The following AGAP1 variants were observed in gnomAD, a reference collection of about 807,000 sequenced individuals.
The protein encoded by AGAP1 is arf-GAP with GTPase, ANK repeat and PH domain-containing protein 1.
A neutral mutation model predicts 105.3 loss-of-function variants in AGAP1; 29 were observed. That is an observed-to-expected ratio of 0.28 (90% CI 0.21 to 0.38). The LOEUF is 0.38. Ranked by LOEUF, AGAP1 falls within the 10% of genes least tolerant of loss-of-function variation. The pLI, the probability that AGAP1 is intolerant of heterozygous loss-of-function variation, is 1.00. For missense variants in AGAP1, 998 were observed against 1,165.1 expected, an observed-to-expected ratio of 0.86 and a Z score of 2.09; for synonymous variants, 509 against 485.9, an observed-to-expected ratio of 1.05 and a Z score of -0.63.
chr2:235,628,145 TAGTTCA>T, intron 1 of AGAP1, among the ~76,000 whole-genome samples: 1 of 151,932 alleles, frequency 6.6e-6, no homozygotes, highest in East Asian at 2.0e-4. Flanking sequence ...TGCACTGGGG[TAGTTCA>T]GTGGTGAGCG....
chr2:235,591,878 C>T lies in AGAP1; in HGVS notation c.163+97029C>T, dbSNP rs1375824384. On this transcript the variant is annotated intron_variant, in intron 1 of 17. Coordinates refer to ENST00000304032, the MANE Select transcript of AGAP1 (RefSeq NM_001037131.3). ...CCCACCCCCCACCACTTCTCTCTTG[C>T]TCCTCTCTTGCCATGTGACATGCCT... is the stretch of plus-strand genomic sequence containing the variant. Among the ~76,000 whole-genome samples the T allele has an allele frequency of 3.5e-5, 5 of 143,374 alleles. No homozygotes were observed. The East Asian group carries it at 8.7e-4, about 25-fold the overall frequency. The allele number at this position is 143,374 out of a possible 152,430, so 94.1% of individuals were successfully genotyped here.
At chr2:235,764,332 A>G (rs1481754246) in intron 6 of AGAP1, among the ~76,000 whole-genome samples, 1 of 152,110 alleles carries the variant, frequency 6.6e-6, no homozygotes, top group Non-Finnish European at 1.5e-5. Flanking sequence ...TTCAGGGAAG[A>G]GCTGTGGCCC....
chr2:235,516,946 A>G (rs556136819), intron 1 of AGAP1, among the ~76,000 whole-genome samples: 7 of 152,322 alleles, frequency 4.6e-5, no homozygotes, highest in African/African-American at 1.4e-4. Context: ...TTGGCCCTAC[A>G]GGGTAGATCT....
At position 235,971,618 on chromosome 2, in the gene AGAP1, A is replaced by G. The variant is rs1484607760; in HGVS notation, c.1645+2995A>G. Among the ~76,000 whole-genome samples the G allele has an allele frequency of 6.6e-6, 1 of 151,564 alleles. No homozygotes were observed. The highest frequency in any genetic ancestry group is 1.5e-5 in the Non-Finnish European group (1 of 67,884). On this transcript the variant is annotated intron_variant, in intron 13 of 17. Coordinates refer to ENST00000304032, the MANE Select transcript of AGAP1 (RefSeq NM_001037131.3). The surrounding 1 kb of genome is among the most constrained non-coding windows in gnomAD (Gnocchi z 4.8). ...GGCAGGAGAATGGCGTGAACCCAGG[A>G]GGTGGAGCTTGCAGTGAGCCGGGAT... is the stretch of plus-strand genomic sequence containing the variant.
In AGAP1 at chr2:235,734,984, A is replaced by G. The variant is rs1467820150; in HGVS notation, c.311-5979A>G. Among the ~76,000 whole-genome samples, 5 of 121,216 alleles carry G rather than the reference A, an allele frequency of 4.1e-5. No individual in the cohort carries two copies. Among genetic ancestry groups the G allele is most frequent in the African/African-American group, 1.3e-4 (5 of 38,112 alleles). 79.5% of individuals were successfully genotyped at this position (121,216 alleles called of 152,430 possible). On this transcript the variant is annotated intron_variant, in intron 3 of 17. Transcript: ENST00000304032. The surrounding 1 kb of genome is among the most constrained non-coding windows in gnomAD (Gnocchi z 5.3). The stretch of plus-strand genomic sequence containing the variant: ...TAAGATGGGGTGAGGGCTAACGGAG[A>G]TGATGTGGGAAAACAAGTGCTTTGT...
At position 235,642,276 on chromosome 2, in the gene AGAP1, A is replaced by G. The variant is rs548081505; in HGVS notation, c.164-66903A>G. Reference sequence around the variant, plus strand: ...TCTTTCCTCACATTTGGGGGCATTCAGTGGGGGAGGATTTACAAAGAAACT... The same window carrying G: ...TCTTTCCTCACATTTGGGGGCATTCGGTGGGGGAGGATTTACAAAGAAACT... On this transcript the variant is annotated intron_variant, in intron 1 of 17. Transcript: ENST00000304032. The surrounding 1 kb of genome is among the most constrained non-coding windows in gnomAD (Gnocchi z 4.1). Among the ~76,000 whole-genome samples, 5 of 152,168 alleles carry G rather than the reference A, an allele frequency of 3.3e-5. 1 individual carries two copies. In the South Asian group the frequency reaches 1.0e-3, roughly 32 times the overall value.
chr2:235,521,832 C>G (rs1942636308), intron 1 of AGAP1, among the ~76,000 whole-genome samples: 2 of 147,754 alleles, frequency 1.4e-5, no homozygotes, highest in Non-Finnish European at 3.0e-5. Flanking sequence ...TTTCTTATTT[C>G]TTGTCAATGT....
intron 6 of AGAP1, among the ~76,000 whole-genome samples, chr2:235,782,712 G>A (rs993865437): frequency 6.6e-6 from 1 of 152,170 alleles, no homozygotes; most frequent in East Asian, 1.9e-4. Flanking sequence ...AAGCCCAGAA[G>A]GAAAGTCTAC....
Position 236,109,128 on chromosome 2 carries a change from G to A in AGAP1, c.2115-11064G>A, listed in dbSNP as rs2059581183. Among the ~76,000 whole-genome samples, 1 of 152,030 alleles carries A rather than the reference G, an allele frequency of 6.6e-6. No individual in the cohort carries two copies. The highest frequency in any genetic ancestry group is 2.1e-4 in the South Asian group (1 of 4,818). ...TCTCTCTGAAGGTAGTTGTGTGTAG[G>A]TGTGACTCTCCCCGCGCTCTCCAGG... On this transcript the variant is annotated intron_variant, in intron 16 of 17. Transcript: ENST00000304032. This position sits in a 1 kb window ranked among gnomAD's most constrained non-coding sequence, Gnocchi z 5.4.
intron 16 of AGAP1, among the ~76,000 whole-genome samples, chr2:236,066,173 T>C (rs975669014): frequency 1.3e-5 from 2 of 152,260 alleles, no homozygotes; most frequent in African/African-American, 4.8e-5. Flanking sequence ...AGCCCTGATT[T>C]GCAGGCTGCA....
chr2:236,084,766 T>C (rs1453062570), intron 16 of AGAP1, among the ~76,000 whole-genome samples: 1 of 151,326 alleles, frequency 6.6e-6, no homozygotes, highest in Non-Finnish European at 1.5e-5. Flanking sequence ...TAGCCAGGCA[T>C]GGTGGTGGGC....
intron 1 of AGAP1, chr2:235,670,706 C>A: frequency 1.3e-6 from 1 of 760,838 alleles, no homozygotes; most frequent in Non-Finnish European, 2.2e-6. Flanking sequence ...CGCCACGCAG[C>A]CCGCCTCGGA....
At chr2:235,863,586 G>T (rs1017662172) in intron 9 of AGAP1, among the ~76,000 whole-genome samples, 1 of 152,182 alleles carries the variant, frequency 6.6e-6, no homozygotes, top group Non-Finnish European at 1.5e-5. Flanking sequence ...AGCTGACCAG[G>T]GGACAGACGC....
rs79737337 is a variant in AGAP1, at chr2:235,630,210, G to A, written c.164-78969G>A. On this transcript the variant is annotated intron_variant, in intron 1 of 17. Transcript: ENST00000304032. ...TATTTTAGTGGAATTCCTCCTAAAC[G>A]TCTTTCTGTACTTTTTTTTTTGAGA... Among the ~76,000 whole-genome samples the A allele has an allele frequency of 6.7e-3, 1,014 of 152,068 alleles. 11 individuals are homozygous for A. The highest frequency in any genetic ancestry group is 0.027 in the Middle Eastern group (8 of 292).
intron 6 of AGAP1, among the ~76,000 whole-genome samples, chr2:235,771,722 T>G (rs1261002632): frequency 6.6e-6 from 1 of 152,130 alleles, no homozygotes; most frequent in Non-Finnish European, 1.5e-5. Context: ...GCTCCCTCCT[T>G]CCTTCTTCCA....
At position 235,551,054 on chromosome 2, in the gene AGAP1, G is replaced by A. The variant is rs1332095293; in HGVS notation, c.163+56205G>A. Among the ~76,000 whole-genome samples the A allele has an allele frequency of 1.3e-5, 2 of 152,076 alleles. No individual in the cohort carries two copies. The highest frequency in any genetic ancestry group is 6.5e-5 in the Admixed American group (1 of 15,270). ...CTCTGAAAGTGCTGGGATTACAGGCGTGAGCCACCGCGCTCGGCCATAGAT... is the reference window on the plus strand; with the variant it reads ...CTCTGAAAGTGCTGGGATTACAGGCATGAGCCACCGCGCTCGGCCATAGAT... On this transcript the variant is annotated intron_variant, in intron 1 of 17. Transcript: ENST00000304032. This position sits in a 1 kb window ranked among gnomAD's most constrained non-coding sequence, Gnocchi z 4.8.
rs1233960379 is a variant in AGAP1 at position 235,612,235 on chromosome 2, G to A, written c.164-96944G>A. 2.0e-5 allele frequency among the ~76,000 whole-genome samples: 3 copies of A among 152,178 alleles called. No homozygotes were observed. Among genetic ancestry groups the A allele is most frequent in the African/African-American group, 7.2e-5 (3 of 41,450 alleles). On this transcript the variant is annotated intron_variant, in intron 1 of 17. Transcript: ENST00000304032. This position sits in a 1 kb window ranked among gnomAD's most constrained non-coding sequence, Gnocchi z 4.3. ...CGGGTTCGCAGTGCTGGAAGAGAGA[G>A]TGGACAGATTTTACACCAGCACCTT... is the stretch of plus-strand genomic sequence containing the variant.
intron 16 of AGAP1, among the ~76,000 whole-genome samples, chr2:236,065,026 A>G (rs1053647617): frequency 6.6e-6 from 1 of 152,218 alleles, no homozygotes; most frequent in African/African-American, 2.4e-5. Context: ...AAGTGGAAGT[A>G]AGTGGCCAGG....
chr2:236,000,582 TG>T lies in AGAP1; in HGVS notation c.1645+31962del. Among the ~76,000 whole-genome samples the T allele has an allele frequency of 6.6e-6, 1 of 152,262 alleles. No individual in the cohort carries two copies. Among genetic ancestry groups the T allele is most frequent in the East Asian group, 1.9e-4 (1 of 5,140 alleles). ...TGGCGCACCTGCTCTGTGCAGAGGC[TG>T]GGCGAACACCAGCCCGAGCCTGACT... is the stretch of plus-strand genomic sequence containing the variant. On this transcript the variant is annotated intron_variant, in intron 13 of 17. Coordinates refer to ENST00000304032, the MANE Select transcript of AGAP1 (RefSeq NM_001037131.3). The surrounding 1 kb of genome is among the most constrained non-coding windows in gnomAD (Gnocchi z 4.3).
Sources: gnomAD v4.1 joint callset for allele counts (sites outside exome capture counted in the v4.1 genomes callset) on GRCh38, gnomAD v4.1.1 for gene constraint, Gnocchi (gnomAD v3.1) non-coding constraint, MANE v1.5 for transcripts, NCBI Gene and HGNC (gene_info 2026-07-23, HGNC 2026-07-21) for gene names.